Variants in LOC128462377 observed in about 807,000 individuals in gnomAD.
chr16:89,382,901 C>G, the LOC128462377 span, among the ~76,000 whole-genome samples: 1 of 151,822 alleles, frequency 6.6e-6, no homozygotes, highest in Non-Finnish European at 1.5e-5. Flanking sequence ...AGTGCAGCAG[C>G]ATGATCTCGG....
At chr16:89,407,296 A>C in the LOC128462377 span, among the ~76,000 whole-genome samples, 17 of 152,288 alleles carry the variant, frequency 1.1e-4, no homozygotes, top group Middle Eastern at 3.4e-3. Context: ...TATATAAGGA[A>C]CACGGGGGGA....
chr16:89,343,197 G>A, the LOC128462377 span, among the ~76,000 whole-genome samples: 8 of 152,044 alleles, frequency 5.3e-5, no homozygotes, highest in Non-Finnish European at 1.2e-4. Context: ...CACCATGTTG[G>A]CCAGGCTGGT....
chr16:89,334,174 C>CAGAG, the LOC128462377 span, among the ~76,000 whole-genome samples: 1 of 74,774 alleles, frequency 1.3e-5, no homozygotes. Context: ...AAAAAAAAAA[C>CAGAG]AGAGAGAGAG....
chr16:89,319,116 G>C, the LOC128462377 span, among the ~76,000 whole-genome samples: 12 of 152,330 alleles, frequency 7.9e-5, no homozygotes, highest in East Asian at 2.3e-3. Flanking sequence ...CTCTCAGGAC[G>C]GAAAAACGGG....
chr16:89,322,969 A>G, the LOC128462377 span: 6 of 259,390 alleles, frequency 2.3e-5, no homozygotes, highest in Admixed American at 5.1e-5. Flanking sequence ...TGAGCCTCCC[A>G]AGTAGCTGGG....
At chr16:89,332,959 G>T in the LOC128462377 span, among the ~76,000 whole-genome samples, 1 of 152,234 alleles carries the variant, frequency 6.6e-6, no homozygotes, top group African/African-American at 2.4e-5. Flanking sequence ...ACAGAACAGC[G>T]GGGCTGCTCC....
chr16:89,382,716 G>A, the LOC128462377 span, among the ~76,000 whole-genome samples: 1 of 152,052 alleles, frequency 6.6e-6, no homozygotes, highest in African/African-American at 2.4e-5. Context: ...CTGGGCTCAA[G>A]TAATCCTCCT....
chr16:89,376,745 G>C, the LOC128462377 span, among the ~76,000 whole-genome samples: 2 of 152,186 alleles, frequency 1.3e-5, no homozygotes, highest in African/African-American at 4.8e-5. Flanking sequence ...GGCCCTGCCT[G>C]AACAGGTTTT....
the LOC128462377 span, among the ~76,000 whole-genome samples, chr16:89,384,651 C>T: frequency 1.3e-5 from 2 of 152,134 alleles, no homozygotes; most frequent in African/African-American, 2.4e-5. Flanking sequence ...GCACTGACGG[C>T]TTCAAAGGAG....
chr16:89,362,346 C>T, the LOC128462377 span, among the ~76,000 whole-genome samples: 5 of 152,334 alleles, frequency 3.3e-5, no homozygotes, highest in Middle Eastern at 0.01. Flanking sequence ...GCACAGCCCG[C>T]AGTCCTTGCT....
At chr16:89,354,558 T>C in the LOC128462377 span, among the ~76,000 whole-genome samples, 1 of 152,114 alleles carries the variant, frequency 6.6e-6, no homozygotes, top group African/African-American at 2.4e-5. Flanking sequence ...ACTCAAGAGA[T>C]TTGATTGTGT....
At chr16:89,371,458 C>T in the LOC128462377 span, among the ~76,000 whole-genome samples, 1 of 152,212 alleles carries the variant, frequency 6.6e-6, no homozygotes, top group Admixed American at 6.5e-5. Context: ...CAGAAGGGGC[C>T]GCTGACGCCA....
At chr16:89,393,246 T>A in the LOC128462377 span, among the ~76,000 whole-genome samples, 1 of 152,176 alleles carries the variant, frequency 6.6e-6, no homozygotes, top group Non-Finnish European at 1.5e-5. Flanking sequence ...GCTCCCACCC[T>A]GGGACCAAGA....
the LOC128462377 span, among the ~76,000 whole-genome samples, chr16:89,366,682 C>A: frequency 6.6e-6 from 1 of 152,190 alleles, no homozygotes; most frequent in Admixed American, 6.5e-5. Flanking sequence ...TGAGACATGT[C>A]TAGACAGAGG....
the LOC128462377 span, among the ~76,000 whole-genome samples, chr16:89,396,752 T>C: frequency 6.6e-6 from 1 of 152,214 alleles, no homozygotes; most frequent in African/African-American, 2.4e-5. Flanking sequence ...AATGGCGCCA[T>C]CTTGGCTCAC....
chr16:89,396,858 TA>T, the LOC128462377 span, among the ~76,000 whole-genome samples: 1 of 152,178 alleles, frequency 6.6e-6, no homozygotes, highest in Admixed American at 6.5e-5. Flanking sequence ...GGCTAATTTT[TA>T]TATTTTTAGT....
the LOC128462377 span, among the ~76,000 whole-genome samples, chr16:89,407,137 G>C: frequency 6.6e-6 from 1 of 151,874 alleles, no homozygotes; most frequent in Non-Finnish European, 1.5e-5. Flanking sequence ...GGTGAGTTGA[G>C]ACGTGCCACT....
chr16:89,354,578 G>C, the LOC128462377 span, among the ~76,000 whole-genome samples: 2 of 152,166 alleles, frequency 1.3e-5, no homozygotes, highest in East Asian at 1.9e-4. Flanking sequence ...TGTCATCAAA[G>C]CATGCTTTAA....
the LOC128462377 span, among the ~76,000 whole-genome samples, chr16:89,341,908 C>T: frequency 6.6e-6 from 1 of 150,926 alleles, no homozygotes. Flanking sequence ...CCACCCACAG[C>T]GGCCACGGCC....
Sources: allele counts gnomAD v4.1 joint callset (sites outside exome capture counted in the v4.1 genomes callset), GRCh38; gene constraint gnomAD v4.1.1; transcripts MANE v1.5.